Variants in CLSTN3 observed in about 807,000 individuals in gnomAD.
CLSTN3 encodes the protein calsyntenin 3.
CLSTN3 carries 36 observed loss-of-function variants against 95.9 expected under a neutral mutation model. That is an observed-to-expected ratio of 0.38 (90% CI 0.29 to 0.50). The LOEUF is 0.50. Ranked by LOEUF, CLSTN3 falls within the 20% of genes least tolerant of loss-of-function variation. The pLI, the probability that CLSTN3 is intolerant of heterozygous loss-of-function variation, is 0.95. For missense variants in CLSTN3, 1,084 were observed against 1,268.8 expected, an observed-to-expected ratio of 0.85 and a Z score of 2.21; for synonymous variants, 481 against 504.0, an observed-to-expected ratio of 0.95 and a Z score of 0.61.
Position 7,141,256 on chromosome 12 carries a change from G to A in CLSTN3, c.1338G>A (p.Glu446=). The stretch of plus-strand genomic sequence containing the variant: ...TACTCTCCCAGGTCTGTGATGATGA[G>A]TGGCACCACTACGCTCTGAACCTCG... ...LWKLEQVCDD[E]WHHYALNLEF... The change falls in exon 9 of 18, where the codon GAG becomes GAA. Residue 446 remains glutamate (E), a synonymous_variant. Transcript: ENST00000266546. This position sits in a 1 kb window ranked among gnomAD's most constrained non-coding sequence, Gnocchi z 4.1. 1 of 1,614,028 alleles carries A rather than the reference G, an allele frequency of 6.2e-7. No homozygotes were observed. The highest frequency in any genetic ancestry group is 8.5e-7 in the Non-Finnish European group (1 of 1,179,988).
Position 7,150,862 on chromosome 12 carries a change from G to A in CLSTN3, c.2392-66G>A, listed in dbSNP as rs1176563366. ...GGGCAGTAGTTAGGAGATGGGGCTGGGGTCTAGAGAAGTGGGGAGGACCTG... is the reference window on the plus strand; with the variant it reads ...GGGCAGTAGTTAGGAGATGGGGCTGAGGTCTAGAGAAGTGGGGAGGACCTG... On this transcript the variant is annotated intron_variant, in intron 15 of 17. Coordinates refer to ENST00000266546, the MANE Select transcript of CLSTN3 (RefSeq NM_014718.4). This position sits in a 1 kb window ranked among gnomAD's most constrained non-coding sequence, Gnocchi z 4.0. 3 of 1,549,958 alleles carry A rather than the reference G, an allele frequency of 1.9e-6. No individual in the cohort carries two copies. The African/African-American group carries it at 4.1e-5, about 21-fold the overall frequency.
rs1939357079 is a variant in CLSTN3, at chr12:7,133,962, G to A, written c.383+194G>A. 5 of 505,796 alleles carry A rather than the reference G, an allele frequency of 9.9e-6. No individual in the cohort carries two copies. Among genetic ancestry groups the A allele is most frequent in the Non-Finnish European group, 1.7e-5 (5 of 290,976 alleles). The allele number at this position is 505,796 out of a possible 1,614,324, so 31.3% of individuals were successfully genotyped here. On this transcript the variant is annotated intron_variant, in intron 3 of 17. Coordinates refer to ENST00000266546, the MANE Select transcript of CLSTN3 (RefSeq NM_014718.4). This position sits in a 1 kb window ranked among gnomAD's most constrained non-coding sequence, Gnocchi z 4.7. ...GGCAAGGTGACAGAAACGTATAGTA[G>A]AGTTCAGTGGATCTAATCTTGGCTT...
At chr12:7,138,143 G>A (rs938135795) in intron 8 of CLSTN3, 76 bp downstream of exon 8, 4 of 1,141,668 alleles carry the variant, frequency 3.5e-6, no homozygotes, top group Non-Finnish European at 5.2e-6. Flanking sequence ...CTCTGGGCAG[G>A]GTCAGCATTT....
intron 1 of CLSTN3, chr12:7,132,593 C>T: frequency 2.8e-6 from 1 of 358,058 alleles, no homozygotes; most frequent in East Asian, 4.9e-5. Context: ...ACTTCTAGAT[C>T]TTTTTCTAGT....
intron 8 of CLSTN3, among the ~76,000 whole-genome samples, chr12:7,140,001 T>G (rs112287900): frequency 5.1e-4 from 78 of 152,272 alleles, no homozygotes; most frequent in African/African-American, 1.8e-3. Flanking sequence ...ATTGAAGGTA[T>G]CTAATGGTGA....
rs1258416108 is a variant in CLSTN3, at chr12:7,135,313, TC to T, written c.384-13del. The T allele has an allele frequency of 6.2e-7, 1 of 1,612,704 alleles. No individual in the cohort carries two copies. Among genetic ancestry groups the T allele is most frequent in the East Asian group, 2.2e-5 (1 of 44,836 alleles). On this transcript the variant is annotated splice_polypyrimidine_tract_variant and intron_variant, in intron 3 of 17. Coordinates refer to ENST00000266546, the MANE Select transcript of CLSTN3 (RefSeq NM_014718.4). ...TGACGTGTCTTCATCCCTCCTTCTC[TC>T]TGGCATATGCAGGGCCACTGTGCAT...
chr12:7,137,925 C>G lies in CLSTN3; in HGVS notation c.1211-30C>G. The G allele has an allele frequency of 6.4e-7, 1 of 1,572,578 alleles. No individual in the cohort carries two copies. Among genetic ancestry groups the G allele is most frequent in the Non-Finnish European group, 8.8e-7 (1 of 1,142,788 alleles). Reference sequence around the variant, plus strand: ...ACTTGTTCTGGCCTCAGCCTCTGCACTTGACCCCATCCCCTTCCTGTGCCC... The same window carrying G: ...ACTTGTTCTGGCCTCAGCCTCTGCAGTTGACCCCATCCCCTTCCTGTGCCC... On this transcript the variant is annotated intron_variant, in intron 7 of 17. Transcript: ENST00000266546. The surrounding 1 kb of genome is among the most constrained non-coding windows in gnomAD (Gnocchi z 4.4).
Position 7,141,505 on chromosome 12 carries a change from T to A in CLSTN3, c.1486+101T>A. ...TGACCCAGCAGCTGAGGCCGCCTCC[T>A]GCATCTCTCTGCAGCTGTGCAGGGT... On this transcript the variant is annotated intron_variant, in intron 9 of 17. Transcript: ENST00000266546. The surrounding 1 kb of genome is among the most constrained non-coding windows in gnomAD (Gnocchi z 4.1). 1 of 1,196,148 alleles carries A rather than the reference T, an allele frequency of 8.4e-7. No individual in the cohort carries two copies. The highest frequency in any genetic ancestry group is 1.2e-6 in the Non-Finnish European group (1 of 805,532). The allele number at this position is 1,196,148 out of a possible 1,614,324, so 74.1% of individuals were successfully genotyped here.
rs982484747 is a variant in CLSTN3 at position 7,150,163 on chromosome 12, G to T, written c.2246-381G>T. Among the ~76,000 whole-genome samples, 15 of 152,246 alleles carry T rather than the reference G, an allele frequency of 9.9e-5. No homozygotes were observed. Among genetic ancestry groups the T allele is most frequent in the African/African-American group, 3.6e-4 (15 of 41,464 alleles). The stretch of plus-strand genomic sequence containing the variant: ...GGAAGCCAGGAGGGAGAATGGAGAA[G>T]ATGGAGATAATCAGTTCCCTTCTAT... On this transcript the variant is annotated intron_variant, in intron 14 of 17. Transcript: ENST00000266546. The surrounding 1 kb of genome is among the most constrained non-coding windows in gnomAD (Gnocchi z 4.0).
chr12:7,133,917 C>T lies in CLSTN3; in HGVS notation c.383+149C>T, dbSNP rs898320756. 2 of 645,492 alleles carry T rather than the reference C, an allele frequency of 3.1e-6. No individual in the cohort carries two copies. The highest frequency in any genetic ancestry group is 1.9e-5 in the African/African-American group (1 of 53,792). 40.0% of individuals were successfully genotyped at this position (645,492 alleles called of 1,614,324 possible). A position where few individuals can be genotyped will look rare whatever the true frequency, so the allele number is the denominator to read the frequency against. ...TAGGGAGCCCCATCCCCTGCTGTTCCTAGGATTTAGGGACTTTCAGGCAAG... is the reference window on the plus strand; with the variant it reads ...TAGGGAGCCCCATCCCCTGCTGTTCTTAGGATTTAGGGACTTTCAGGCAAG... On this transcript the variant is annotated intron_variant, in intron 3 of 17. Transcript: ENST00000266546. This position sits in a 1 kb window ranked among gnomAD's most constrained non-coding sequence, Gnocchi z 4.7.
At chr12:7,129,913 C>G (rs1468080152), upstream of CLSTN3, 1 of 618,524 alleles carries the variant, frequency 1.6e-6, no homozygotes, top group African/African-American at 2.0e-5. The surrounding 1 kb of genome is among the most constrained non-coding windows in gnomAD (Gnocchi z 5.5). Flanking sequence ...CTGTGGCTTC[C>G]TCGCAGCCCT....
chr12:7,134,108 T>C lies in CLSTN3; in HGVS notation c.383+340T>C, dbSNP rs149609491. On this transcript the variant is annotated intron_variant, in intron 3 of 17. Coordinates refer to ENST00000266546, the MANE Select transcript of CLSTN3 (RefSeq NM_014718.4). ...TGTGAAGATTCAAGGAGATGGTTTG[T>C]GTTGAAAGCATGCACCACAGTGCCT... Among the ~76,000 whole-genome samples, 878 of 152,310 alleles carry C rather than the reference T, an allele frequency of 5.8e-3. 7 individuals are homozygous for C. Among genetic ancestry groups the C allele is most frequent in the African/African-American group, 0.02 (812 of 41,582 alleles).
Position 7,149,806 on chromosome 12 carries a change from G to A in CLSTN3, c.2245+113G>A, listed in dbSNP as rs559151927. 7.1e-5 allele frequency: 72 copies of A among 1,008,772 alleles called. No homozygotes were observed. The highest frequency in any genetic ancestry group is 1.9e-4 in the South Asian group (11 of 56,454). 62.5% of individuals were successfully genotyped at this position (1,008,772 alleles called of 1,614,324 possible). On this transcript the variant is annotated intron_variant, in intron 14 of 17. Transcript: ENST00000266546. This position sits in a 1 kb window ranked among gnomAD's most constrained non-coding sequence, Gnocchi z 4.5. The stretch of plus-strand genomic sequence containing the variant: ...AGGTCCAGGGATGTGGACAAGTGCC[G>A]TTTTGCATTTTCCTAGCCTGGAAGA...
Position 7,137,897 on chromosome 12 carries a change from T to G in CLSTN3, c.1211-58T>G. ...CAACATCCTCTCCTTCCTGCTGCTT[T>G]GAACTTGTTCTGGCCTCAGCCTCTG... On this transcript the variant is annotated intron_variant, in intron 7 of 17. Coordinates refer to ENST00000266546, the MANE Select transcript of CLSTN3 (RefSeq NM_014718.4). This position sits in a 1 kb window ranked among gnomAD's most constrained non-coding sequence, Gnocchi z 4.4. 7.8e-7 allele frequency: 1 copy of G among 1,277,286 alleles called. No homozygotes were observed. The highest frequency in any genetic ancestry group is 1.2e-5 in the South Asian group (1 of 82,520). 79.1% of individuals were successfully genotyped at this position (1,277,286 alleles called of 1,614,324 possible).
At chr12:7,134,877 C>T (rs1189225724) in intron 3 of CLSTN3, among the ~76,000 whole-genome samples, 2 of 152,044 alleles carry the variant, frequency 1.3e-5, no homozygotes, top group Non-Finnish European at 2.9e-5. Flanking sequence ...CTACATCAGT[C>T]CTCCTTTCTT....
At position 7,142,106 on chromosome 12, in the gene CLSTN3, G is replaced by C. The variant is rs1458174266; in HGVS notation, c.1507G>C (p.Glu503Gln). The C allele has an allele frequency of 6.2e-7, 1 of 1,604,662 alleles. No individual in the cohort carries two copies. The highest frequency in any genetic ancestry group is 2.2e-5 in the East Asian group (1 of 44,620). ...CCCAGAGGAGAAGAACAAAGAGAAG[G>C]AAAAGGGAGACAACAGTACAGACAC... ...CWTEEKNKEKEKGDNSTDTTQ... is the reference protein window; with the variant it reads ...CWTEEKNKEKQKGDNSTDTTQ... The change falls in exon 10 of 18, where the codon GAA becomes CAA. Residue 503 changes from glutamate to glutamine, a missense_variant. Coordinates refer to ENST00000266546, the MANE Select transcript of CLSTN3 (RefSeq NM_014718.4).
intron 1 of CLSTN3, chr12:7,131,068 T>C: frequency 2.4e-6 from 1 of 423,516 alleles, no homozygotes; most frequent in South Asian, 2.3e-5. Flanking sequence ...GATAGGCCTC[T>C]CCCCGCGGCT....
At position 7,157,374 on chromosome 12, in the gene CLSTN3, G is replaced by GCA. The variant is rs1462750110; in HGVS notation, c.2528-115_2528-114insCA. ...GTTCCTCTCTTCTCGGCCACCGTGTGTTCTGCCCTGGGAGTCCTTCAGCCC... is the reference window on the plus strand; with the variant it reads ...GTTCCTCTCTTCTCGGCCACCGTGTGCATTCTGCCCTGGGAGTCCTTCAGCCC... On this transcript the variant is annotated intron_variant, in intron 16 of 17. Transcript: ENST00000266546. The surrounding 1 kb of genome is among the most constrained non-coding windows in gnomAD (Gnocchi z 5.9). The GCA allele has an allele frequency of 4.8e-4, 420 of 872,926 alleles. No homozygotes were observed. In the African/African-American group the frequency reaches 6.7e-3, roughly 14 times the overall value. 54.1% of individuals were successfully genotyped at this position (872,926 alleles called of 1,614,324 possible). A position where few individuals can be genotyped will look rare whatever the true frequency, so the allele number is the denominator to read the frequency against.
At position 7,150,923 on chromosome 12, in the gene CLSTN3, C is replaced by T. The variant is rs776779534; in HGVS notation, c.2392-5C>T. 5.0e-5 allele frequency: 80 copies of T among 1,584,442 alleles called. No individual in the cohort carries two copies. The highest frequency in any genetic ancestry group is 6.4e-5 in the Non-Finnish European group (74 of 1,162,980). On this transcript the variant is annotated splice_polypyrimidine_tract_variant and splice_region_variant and intron_variant, in intron 15 of 17. Coordinates refer to ENST00000266546, the MANE Select transcript of CLSTN3 (RefSeq NM_014718.4). This position sits in a 1 kb window ranked among gnomAD's most constrained non-coding sequence, Gnocchi z 4.0. ...GTGTGCCCATGGAGCCCTCCCTCTGCCCAGGTCAATGTCCTGCACAGCATG... is the reference window on the plus strand; with the variant it reads ...GTGTGCCCATGGAGCCCTCCCTCTGTCCAGGTCAATGTCCTGCACAGCATG...
Sources: allele counts gnomAD v4.1 joint callset (sites outside exome capture counted in the v4.1 genomes callset), GRCh38; gene constraint gnomAD v4.1.1; non-coding constraint Gnocchi (gnomAD v3.1); transcripts MANE v1.5; gene names NCBI Gene and HGNC (gene_info 2026-07-23, HGNC 2026-07-21).